Variants in CFAP299 observed in about 807,000 individuals in gnomAD.
The protein encoded by CFAP299 is cilia and flagella associated protein 299, also known as cilia- and flagella-associated protein 299.
Under a neutral mutation model 27.0 loss-of-function variants are expected in CFAP299, and 21 were observed. The ratio of observed to expected loss-of-function variants is 0.78; its 90% CI spans 0.55 to 1.12. The LOEUF (loss-of-function observed/expected upper bound fraction) is 1.12, where lower values mean the gene tolerates loss of function less well. Ranked by LOEUF, CFAP299 falls within the 50% of genes most tolerant of loss-of-function variation. The pLI, the probability that CFAP299 is intolerant of heterozygous loss-of-function variation, is 0.00. For missense variants in CFAP299, 310 were observed against 276.6 expected (o/e 1.12, Z -0.86); for synonymous variants, 104 against 98.1 (o/e 1.06, Z -0.36).
chr4:80,737,287 C>T (rs911068394), intron 3 of CFAP299, among the ~76,000 whole-genome samples: 4 of 148,450 alleles, frequency 2.7e-5, no homozygotes, highest in African/African-American at 1.0e-4. Flanking sequence ...ACATTGCGCA[C>T]ATGTACCCTA....
rs757771954 is a variant in CFAP299, at chr4:80,944,874, G to A, written c.541G>A (p.Asp181Asn). ...AAGTCCCAACTATCAAGTGATTGCC[G>A]ATAATCCAGAAGGCTTACTTTTCAG... ...NSSPNYQVIA[D>N]NPEGLLFRYK... Residue 181 changes from aspartate to asparagine, a missense_variant, in exon 5 of 6, where the codon GAT (aspartate) becomes AAT (asparagine). Coordinates refer to ENST00000358105, the MANE Select transcript of CFAP299 (RefSeq NM_152770.3). 1.4e-5 allele frequency: 23 copies of A among 1,611,662 alleles called. No homozygotes were observed. The highest frequency in any genetic ancestry group is 1.6e-4 in the Middle Eastern group (1 of 6,074).
rs867441839 is a variant in CFAP299, at chr4:80,902,586, T to C, written c.476+32451T>C. On this transcript the variant is annotated intron_variant, in intron 4 of 5. Coordinates refer to ENST00000358105, the MANE Select transcript of CFAP299 (RefSeq NM_152770.3). ...ATTTTATCCATATATATGTAATATA[T>C]ACACACACACACACACACACACACA... is the stretch of plus-strand genomic sequence containing the variant. 5.6e-3 allele frequency among the ~76,000 whole-genome samples: 715 copies of C among 126,696 alleles called. 4 individuals carry two copies. The highest frequency in any genetic ancestry group is 0.016 in the South Asian group (61 of 3,744). 83.1% of individuals were successfully genotyped at this position (126,696 alleles called of 152,430 possible). A position where few individuals can be genotyped will look rare whatever the true frequency, so the allele number is the denominator to read the frequency against.
chr4:80,580,567 T>C (rs891035210), intron 2 of CFAP299, among the ~76,000 whole-genome samples: 2 of 151,978 alleles, frequency 1.3e-5, no homozygotes, highest in Non-Finnish European at 2.9e-5. Context: ...CAAAAGAGCC[T>C]TTACTTGGTT....
intron 3 of CFAP299, among the ~76,000 whole-genome samples, chr4:80,783,775 T>G (rs1242709764): frequency 2.0e-5 from 3 of 152,160 alleles, no homozygotes; most frequent in Admixed American, 1.3e-4. Context: ...TATCCTAAAT[T>G]GTAATATTGC....
chr4:80,902,937 T>C (rs1225268057), intron 4 of CFAP299, among the ~76,000 whole-genome samples: 1 of 152,032 alleles, frequency 6.6e-6, no homozygotes, highest in African/African-American at 2.4e-5. Flanking sequence ...ATTACTGTTG[T>C]GCTGCAAAGA....
At chr4:80,847,949 C>A (rs916421669) in intron 3 of CFAP299, among the ~76,000 whole-genome samples, 2 of 152,094 alleles carry the variant, frequency 1.3e-5, no homozygotes, top group African/African-American at 4.8e-5. Flanking sequence ...GTGGCTCATG[C>A]CTGCAATACC....
At chr4:80,361,734 A>AT (rs1295651484) in intron 1 of CFAP299, among the ~76,000 whole-genome samples, 2 of 152,146 alleles carry the variant, frequency 1.3e-5, no homozygotes, top group Non-Finnish European at 2.9e-5. Flanking sequence ...ACAGTATATA[A>AT]TTTTTTATTT....
chr4:80,689,434 G>A (rs910017300), intron 3 of CFAP299, among the ~76,000 whole-genome samples: 1 of 152,126 alleles, frequency 6.6e-6, no homozygotes, highest in Non-Finnish European at 1.5e-5. Context: ...TTCATATCCA[G>A]CCAAACTAAG....
intron 4 of CFAP299, among the ~76,000 whole-genome samples, chr4:80,904,688 A>G (rs1036956625): frequency 2.0e-5 from 3 of 152,142 alleles, no homozygotes; most frequent in Non-Finnish European, 4.4e-5. Flanking sequence ...AAGGAAGACA[A>G]TCCTTGGTGT....
chr4:80,547,462 A>G (rs562204211), intron 2 of CFAP299, among the ~76,000 whole-genome samples: 2 of 152,306 alleles, frequency 1.3e-5, no homozygotes, highest in Admixed American at 6.5e-5. Flanking sequence ...CATTCTGGAC[A>G]TCAGCAAAGA....
intron 3 of CFAP299, among the ~76,000 whole-genome samples, chr4:80,748,218 T>C (rs887280016): frequency 6.6e-6 from 1 of 152,168 alleles, no homozygotes; most frequent in Non-Finnish European, 1.5e-5. Context: ...ATATTTGTCT[T>C]GTTCAAGACT....
chr4:80,545,047 A>G (rs1157386408), intron 2 of CFAP299, among the ~76,000 whole-genome samples: 8 of 152,198 alleles, frequency 5.3e-5, no homozygotes, highest in Non-Finnish European at 1.0e-4. Context: ...GTAGAAATCA[A>G]TACCAAGAAG....
intron 3 of CFAP299, among the ~76,000 whole-genome samples, chr4:80,641,204 A>C (rs1443331566): frequency 6.6e-6 from 1 of 151,908 alleles, no homozygotes; most frequent in African/African-American, 2.4e-5. Flanking sequence ...TATATAAACT[A>C]TTTTTCTTTT....
At chr4:80,954,115 T>A (rs982839020) in intron 5 of CFAP299, among the ~76,000 whole-genome samples, 3 of 152,184 alleles carry the variant, frequency 2.0e-5, no homozygotes, top group African/African-American at 7.2e-5. Context: ...AATGATTGAA[T>A]AAGAACAAAA....
chr4:80,892,836 C>T (rs1209735606), intron 4 of CFAP299, among the ~76,000 whole-genome samples: 1 of 152,044 alleles, frequency 6.6e-6, no homozygotes, highest in Non-Finnish European at 1.5e-5. Flanking sequence ...AATGCTCACT[C>T]ACAGCGCTTC....
chr4:80,355,354 C>CTTTTTTTTT (rs70944772), intron 1 of CFAP299, among the ~76,000 whole-genome samples: 3 of 95,522 alleles, frequency 3.1e-5, no homozygotes, highest in Non-Finnish European at 5.7e-5. Flanking sequence ...ATGTCCTTTG[C>CTTTTTTTTT]TTTTTTTTTT....
intron 4 of CFAP299, among the ~76,000 whole-genome samples, chr4:80,905,162 A>G (rs1735119680): frequency 6.6e-6 from 1 of 152,240 alleles, no homozygotes; most frequent in South Asian, 2.1e-4. Flanking sequence ...GGAAAAGCTT[A>G]GTTAAATTAA....
chr4:80,891,335 T>C (rs1330080634), intron 4 of CFAP299, among the ~76,000 whole-genome samples: 3 of 151,708 alleles, frequency 2.0e-5, no homozygotes, highest in Admixed American at 6.6e-5. Flanking sequence ...CCCCATTGCT[T>C]GTTTTTCTCA....
chr4:80,531,512 A>G (rs1458932320), intron 2 of CFAP299, among the ~76,000 whole-genome samples: 1 of 152,196 alleles, frequency 6.6e-6, no homozygotes, highest in East Asian at 1.9e-4. Flanking sequence ...TTGCAATTAT[A>G]CTTCTAAATT....
Sources: allele counts gnomAD v4.1 joint callset (sites outside exome capture counted in the v4.1 genomes callset), GRCh38; gene constraint gnomAD v4.1.1; transcripts MANE v1.5; gene names NCBI Gene and HGNC (gene_info 2026-07-23, HGNC 2026-07-21).